FHIT: variants seen among roughly 807,000 people sequenced by gnomAD.
FHIT encodes bis(5'-adenosyl)-triphosphatase.
Under a neutral mutation model 17.9 loss-of-function variants are expected in FHIT, and 19 were observed. That is an observed-to-expected ratio of 1.06 (90% CI 0.74 to 1.56). The LOEUF is 1.56. Ranked by LOEUF, FHIT falls within the 40% of genes most tolerant of loss-of-function variation. The pLI, the probability that FHIT is intolerant of heterozygous loss-of-function variation, is 0.00. For synonymous variants in FHIT, 81 were observed against 69.7 expected (o/e 1.16, Z -0.81); for missense variants, 248 against 189.2 (o/e 1.31, Z -1.82).
intron 4 of FHIT, among the ~76,000 whole-genome samples, chr3:60,598,245 G>C (rs1035336901): frequency 6.6e-6 from 1 of 152,036 alleles, no homozygotes; most frequent in Non-Finnish European, 1.5e-5. Flanking sequence ...GAATAAATGT[G>C]TTCTTTGCTT....
intron 5 of FHIT, among the ~76,000 whole-genome samples, chr3:60,069,295 G>A (rs1431728325): frequency 6.6e-6 from 1 of 152,100 alleles, no homozygotes; most frequent in Non-Finnish European, 1.5e-5. Flanking sequence ...TGTGTATTAA[G>A]TGTATTATAA....
rs866735494 is a variant in FHIT, at chr3:59,972,506, T to A, written c.279+38865A>T. On this transcript the variant is annotated intron_variant, in intron 7 of 9. Coordinates refer to ENST00000492590, the MANE Select transcript of FHIT (RefSeq NM_002012.4). ...TGATATTCTCACCAAGCCTCCAGCC[T>A]AAACCTCTGAGGGTGCCTATTCTTC... 1.1e-4 allele frequency among the ~76,000 whole-genome samples: 17 copies of A among 152,220 alleles called. No individual in the cohort carries two copies. The South Asian group carries it at 1.4e-3, about 13-fold the overall frequency.
At chr3:60,770,929 T>C (rs978032010) in intron 4 of FHIT, among the ~76,000 whole-genome samples, 22 of 152,350 alleles carry the variant, frequency 1.4e-4, no homozygotes, top group South Asian at 8.3e-4. Flanking sequence ...ATATTTTCCT[T>C]CTCCCACTTT....
At chr3:60,593,223 A>G (rs1433035335) in intron 4 of FHIT, among the ~76,000 whole-genome samples, 1 of 152,128 alleles carries the variant, frequency 6.6e-6, no homozygotes, top group Non-Finnish European at 1.5e-5. Context: ...CACCACATAC[A>G]AGACTGCTTT....
intron 3 of FHIT, among the ~76,000 whole-genome samples, chr3:60,887,024 TA>T (rs751796508): frequency 2.6e-5 from 4 of 152,240 alleles, no homozygotes; most frequent in African/African-American, 7.2e-5. Context: ...TCAACTATGT[TA>T]TTTTTTTACC....
chr3:60,444,421 A>G (rs559508765), intron 5 of FHIT, among the ~76,000 whole-genome samples: 22 of 152,184 alleles, frequency 1.4e-4, no homozygotes, highest in Admixed American at 1.3e-3. Context: ...ACTACTCACA[A>G]TAGCAAAGAC....
intron 8 of FHIT, among the ~76,000 whole-genome samples, chr3:59,870,842 T>C (rs1297230525): frequency 1.3e-5 from 2 of 150,214 alleles, no homozygotes; most frequent in Non-Finnish European, 3.0e-5. Context: ...TCTCAAATCA[T>C]CCATAGTAAA....
At chr3:60,408,002 C>T (rs894563858) in intron 5 of FHIT, among the ~76,000 whole-genome samples, 3 of 152,144 alleles carry the variant, frequency 2.0e-5, no homozygotes, top group African/African-American at 4.8e-5. Flanking sequence ...GCATACTAAA[C>T]GAAGGCTCTA....
chr3:60,070,850 T>G (rs1208763774), intron 5 of FHIT, among the ~76,000 whole-genome samples: 3 of 152,214 alleles, frequency 2.0e-5, no homozygotes, highest in African/African-American at 7.2e-5. Context: ...TGGATGGCAT[T>G]TGTCTTACCT....
intron 5 of FHIT, among the ~76,000 whole-genome samples, chr3:60,503,491 T>C (rs551891429): frequency 1.4e-3 from 210 of 152,282 alleles, no homozygotes; most frequent in African/African-American, 5.0e-3. Context: ...TTACTGAGTG[T>C]GTATGCATGT....
At chr3:60,360,942 T>G (rs1299402433) in intron 5 of FHIT, among the ~76,000 whole-genome samples, 1 of 152,208 alleles carries the variant, frequency 6.6e-6, no homozygotes, top group Non-Finnish European at 1.5e-5. Context: ...TAAGTCTGAA[T>G]TATTGAAAAA....
chr3:60,279,824 G>T (rs1707343568), intron 5 of FHIT, among the ~76,000 whole-genome samples: 2 of 152,114 alleles, frequency 1.3e-5, no homozygotes, highest in Admixed American at 1.3e-4. Flanking sequence ...GAGGTCAGGA[G>T]ATCAAGACCA....
chr3:60,698,741 T>A (rs1430463120), intron 4 of FHIT, among the ~76,000 whole-genome samples: 1 of 152,224 alleles, frequency 6.6e-6, no homozygotes, highest in Admixed American at 6.5e-5. Context: ...CTACCCTTTT[T>A]AATTTTTAAA....
intron 3 of FHIT, among the ~76,000 whole-genome samples, chr3:61,020,846 A>T (rs1575850857): frequency 6.6e-6 from 1 of 152,338 alleles, no homozygotes. Context: ...AATATTTACC[A>T]AGTAAATGTA....
chr3:60,095,507 AT>A (rs1703908681), intron 5 of FHIT, among the ~76,000 whole-genome samples: 1 of 152,204 alleles, frequency 6.6e-6, no homozygotes, highest in South Asian at 2.1e-4. Flanking sequence ...TTAAGAAATT[AT>A]TTTTGAAGCA....
rs1021231840 is a variant in FHIT, at chr3:59,749,436, G to GA, written c.*148dup. 10 of 231,772 alleles carry GA rather than the reference G, an allele frequency of 4.3e-5. No homozygotes were observed. The highest frequency in any genetic ancestry group is 3.6e-4 in the South Asian group (2 of 5,500). The allele number at this position is 231,772 out of a possible 1,614,324, so 14.4% of individuals were successfully genotyped here. Reference sequence around the variant, plus strand: ...GGGAGTTGGAGTGACCGAGGTGGGGGATCACTGGTTGAAGAATACAGGATG... The same window carrying GA: ...GGGAGTTGGAGTGACCGAGGTGGGGGAATCACTGGTTGAAGAATACAGGATG... On this transcript the variant is annotated 3_prime_UTR_variant, in exon 10 of 10. Transcript: ENST00000492590.
chr3:60,727,591 ATAAAG>A (rs1205266805), intron 4 of FHIT, among the ~76,000 whole-genome samples: 15 of 152,232 alleles, frequency 9.9e-5, no homozygotes, highest in East Asian at 5.8e-4. Context: ...ATGTGACTCT[ATAAAG>A]TAAAGTTCAT....
intron 5 of FHIT, among the ~76,000 whole-genome samples, chr3:60,424,078 T>C (rs1042278367): frequency 6.6e-6 from 1 of 152,150 alleles, no homozygotes; most frequent in African/African-American, 2.4e-5. Flanking sequence ...TCCAAGCACT[T>C]TGAAAACATT....
chr3:59,877,620 A>C (rs1197965647), intron 8 of FHIT, among the ~76,000 whole-genome samples: 2 of 152,226 alleles, frequency 1.3e-5, no homozygotes, highest in African/African-American at 4.8e-5. Flanking sequence ...TGCAGAGTAG[A>C]GGCTTGGGCT....
Sources: gnomAD v4.1 joint callset for allele counts (sites outside exome capture counted in the v4.1 genomes callset) on GRCh38, gnomAD v4.1.1 for gene constraint, MANE v1.5 for transcripts, NCBI Gene and HGNC (gene_info 2026-07-23, HGNC 2026-07-21) for gene names.